The following IQSEC1 variants were observed in gnomAD, a reference collection of about 807,000 sequenced individuals.
The protein encoded by IQSEC1 is IQ motif and Sec7 domain ArfGEF 1.
IQSEC1 carries 31 observed loss-of-function variants against 91.0 expected under a neutral mutation model. The ratio of observed to expected loss-of-function variants is 0.34; its 90% CI spans 0.26 to 0.46. The LOEUF is 0.46. IQSEC1 is among the 20% of genes least tolerant of loss of function. The probability of loss-of-function intolerance (pLI) is 1.00; values close to 1 mark genes in which losing one functional copy is unlikely to be tolerated. For synonymous variants in IQSEC1, 699 were observed against 662.6 expected (o/e 1.05, Z -0.84); for missense variants, 1,388 against 1,575.6 (o/e 0.88, Z 2.02).
At chr3:13,126,855 T>C (rs555917013) in intron 2 of IQSEC1, among the ~76,000 whole-genome samples, 1 of 152,378 alleles carries the variant, frequency 6.6e-6, no homozygotes, top group East Asian at 1.9e-4. Flanking sequence ...TTTGCTTTTA[T>C]AGATCATGCT....
chr3:13,038,262 G>GTGTATATATATATATATATA (rs1491471643), intron 1 of IQSEC1, among the ~76,000 whole-genome samples: 1 of 101,216 alleles, frequency 9.9e-6, no homozygotes, highest in South Asian at 3.2e-4. Context: ...GTGTGTGTGT[G>GTGTATATATATATATATATA]TATATATATA....
intron 1 of IQSEC1, among the ~76,000 whole-genome samples, chr3:13,235,780 GC>G (rs1485998586): frequency 2.0e-5 from 3 of 152,220 alleles, no homozygotes; most frequent in African/African-American, 7.2e-5. Context: ...AACATCCAGT[GC>G]CTGCAGAGAG....
chr3:13,221,638 C>A (rs886772188), intron 1 of IQSEC1, among the ~76,000 whole-genome samples: 1 of 152,054 alleles, frequency 6.6e-6, no homozygotes, highest in Admixed American at 6.5e-5. Context: ...CAGGAACAGA[C>A]GCCTGGAGCC....
chr3:13,278,647 C>T (rs1163135844), intron 1 of IQSEC1, among the ~76,000 whole-genome samples: 8 of 152,036 alleles, frequency 5.3e-5, no homozygotes, highest in African/African-American at 9.7e-5. Flanking sequence ...GGTGAAACCC[C>T]GTCTCTACCA....
intron 1 of IQSEC1, among the ~76,000 whole-genome samples, chr3:13,238,308 C>A (rs1389542635): frequency 1.3e-5 from 2 of 152,198 alleles, no homozygotes; most frequent in Admixed American, 6.5e-5. Context: ...GCACAGCAAC[C>A]CTTGTCCAGC....
At chr3:12,941,244 A>G (rs1351422891) in intron 2 of IQSEC1, among the ~76,000 whole-genome samples, 1 of 152,132 alleles carries the variant, frequency 6.6e-6, no homozygotes, top group African/African-American at 2.4e-5. Flanking sequence ...GACACCTATC[A>G]TGGCCCCCCA....
chr3:13,073,169 G>GGT lies in IQSEC1; in HGVS notation c.-156_-155insAC. 1.2e-6 allele frequency: 1 copy of GGT among 834,718 alleles called. No individual in the cohort carries two copies. Among genetic ancestry groups the GGT allele is most frequent in the Non-Finnish European group, 1.9e-6 (1 of 528,128 alleles). The allele number at this position is 834,718 out of a possible 1,614,324, so 51.7% of individuals were successfully genotyped here. On this transcript the variant is annotated 5_prime_UTR_variant, in exon 1 of 14. Coordinates refer to ENST00000613206, the MANE Select transcript of IQSEC1 (RefSeq NM_001134382.3). ...TTCCCGGGGGTGGCGGGCTCCTCCA[G>GGT]GGAGGCTGGGGCGGGAGCGGGGGGC...
At chr3:12,902,925 G>A in intron 12 of IQSEC1, 103 bp from the exon 13 acceptor site, 2 of 895,130 alleles carry the variant, frequency 2.2e-6, no homozygotes, top group Non-Finnish European at 3.7e-6. Flanking sequence ...CCCCTGCTGG[G>A]AGCAGGCACA....
At position 13,154,971 on chromosome 3, in the gene IQSEC1, T is replaced by C. The variant is rs1707063050; in HGVS notation, c.302+9133A>G. 2.0e-5 allele frequency among the ~76,000 whole-genome samples: 3 copies of C among 152,296 alleles called. No homozygotes were observed. In the South Asian group the frequency reaches 6.2e-4, roughly 32 times the overall value. Reference sequence around the variant, plus strand: ...AAAAAACACAACATAGCAAAGCTTATGGAACACAGCGAAAGTAGTACTAAG... The same window carrying C: ...AAAAAACACAACATAGCAAAGCTTACGGAACACAGCGAAAGTAGTACTAAG... On this transcript the variant is annotated intron_variant, in intron 2 of 15. Transcript: ENST00000648114.
chr3:13,192,490 C>T (rs1335116152), intron 1 of IQSEC1, among the ~76,000 whole-genome samples: 1 of 152,112 alleles, frequency 6.6e-6, no homozygotes, highest in Non-Finnish European at 1.5e-5. Context: ...CAGGGACGGA[C>T]GACGTGAAGA....
At chr3:13,175,872 C>A (rs1693718488) in intron 1 of IQSEC1, among the ~76,000 whole-genome samples, 1 of 152,250 alleles carries the variant, frequency 6.6e-6, no homozygotes, top group Non-Finnish European at 1.5e-5. Context: ...AAATCCCAGT[C>A]CCAAGGGCTC....
intron 1 of IQSEC1, among the ~76,000 whole-genome samples, chr3:13,226,014 C>T (rs1486688278): frequency 6.6e-6 from 1 of 152,098 alleles, no homozygotes; most frequent in East Asian, 1.9e-4. Flanking sequence ...CCGAGTAGCT[C>T]GGATTACAGG....
intron 1 of IQSEC1, among the ~76,000 whole-genome samples, chr3:13,053,784 A>C (rs1704780262): frequency 6.6e-6 from 1 of 152,012 alleles, no homozygotes; most frequent in Admixed American, 6.6e-5. Flanking sequence ...GAGGCCACAG[A>C]CCTCTCTGTT....
intron 1 of IQSEC1, among the ~76,000 whole-genome samples, chr3:13,229,825 TTCC>T (rs1392358676): frequency 6.6e-6 from 1 of 152,192 alleles, no homozygotes; most frequent in East Asian, 1.9e-4. Flanking sequence ...GACACACCAC[TTCC>T]TAGCTGTGTG....
chr3:13,008,645 C>T lies in IQSEC1; in HGVS notation c.23+64347G>A, dbSNP rs1207071689. Among the ~76,000 whole-genome samples the T allele has an allele frequency of 6.6e-6, 1 of 152,206 alleles. No homozygotes were observed. The highest frequency in any genetic ancestry group is 1.5e-5 in the Non-Finnish European group (1 of 68,034). ...TGTTTGTTTACTTGTCACCTCTCTG[C>T]CTCCCCCAACCCCCAAATGCCAGCT... On this transcript the variant is annotated intron_variant, in intron 1 of 13. Transcript: ENST00000613206. This position sits in a 1 kb window ranked among gnomAD's most constrained non-coding sequence, Gnocchi z 4.1.
intron 2 of IQSEC1, among the ~76,000 whole-genome samples, chr3:13,160,874 G>A (rs899730094): frequency 5.3e-5 from 8 of 152,226 alleles, no homozygotes; most frequent in Non-Finnish European, 1.0e-4. Context: ...CCTGTCCTGG[G>A]GGTCTTCCTC....
At chr3:13,001,167 G>A (rs963502346) in intron 1 of IQSEC1, among the ~76,000 whole-genome samples, 2 of 151,788 alleles carry the variant, frequency 1.3e-5, no homozygotes, top group South Asian at 2.1e-4. Flanking sequence ...CACCATGTTG[G>A]CCAGGCTGGT....
chr3:13,157,687 A>T (rs357166), intron 2 of IQSEC1, among the ~76,000 whole-genome samples: 2 of 152,220 alleles, frequency 1.3e-5, no homozygotes, highest in Non-Finnish European at 1.5e-5. Flanking sequence ...GGCACACTCT[A>T]CAAGCAGCTG....
At chr3:13,171,317 C>T (rs542980841) in intron 1 of IQSEC1, among the ~76,000 whole-genome samples, 78 of 152,168 alleles carry the variant, frequency 5.1e-4, no homozygotes, top group Non-Finnish European at 9.7e-4. Flanking sequence ...AGGTTTTCTT[C>T]CTAAACGCTG....
Sources: gnomAD v4.1 joint callset for allele counts (sites outside exome capture counted in the v4.1 genomes callset) on GRCh38, gnomAD v4.1.1 for gene constraint, Gnocchi (gnomAD v3.1) non-coding constraint, MANE v1.5 for transcripts, NCBI Gene and HGNC (gene_info 2026-07-23, HGNC 2026-07-21) for gene names.